Variants in NLGN1 observed in about 807,000 individuals in gnomAD.
The protein encoded by NLGN1 is neuroligin-1.
Under a neutral mutation model 65.5 loss-of-function variants are expected in NLGN1, and 12 were observed. The ratio of observed to expected loss-of-function variants is 0.18; its 90% CI spans 0.12 to 0.30. The LOEUF is 0.30. NLGN1 is among the 10% of genes least tolerant of loss of function. The pLI is 1.00. For missense variants in NLGN1, 750 were observed against 1,007.1 expected, an observed-to-expected ratio of 0.74 and a Z score of 3.46; for synonymous variants, 350 against 359.5, an observed-to-expected ratio of 0.97 and a Z score of 0.30.
intron 4 of NLGN1, among the ~76,000 whole-genome samples, chr3:173,931,470 T>C (rs1744081585): frequency 6.6e-6 from 1 of 152,052 alleles, no homozygotes; most frequent in African/African-American, 2.4e-5. Context: ...AAGACAGGTT[T>C]TGAAGTAAGC....
intron 4 of NLGN1, among the ~76,000 whole-genome samples, chr3:174,081,164 A>G (rs1029949122): frequency 1.3e-5 from 2 of 152,142 alleles, no homozygotes; most frequent in African/African-American, 4.8e-5. Flanking sequence ...TAACTTAGAC[A>G]AGAAAAAGTC....
chr3:173,986,831 G>A (rs774928222), intron 4 of NLGN1, among the ~76,000 whole-genome samples: 3 of 152,116 alleles, frequency 2.0e-5, no homozygotes, highest in Non-Finnish European at 4.4e-5. Flanking sequence ...CGACAGAGCA[G>A]GACAGTGAAC....
At chr3:174,108,438 T>G (rs114715206) in intron 4 of NLGN1, among the ~76,000 whole-genome samples, 1 of 152,014 alleles carries the variant, frequency 6.6e-6, no homozygotes, top group Admixed American at 6.6e-5. Flanking sequence ...ATACCAAGCC[T>G]GGACTATATG....
rs1246877142 is a variant in NLGN1 at position 174,280,785 on chromosome 3, A to G, written c.1954A>G (p.Thr652Ala). ...TGTACCTGTCACGTCAGCCTTTCCC[A>G]CTGCCAAGCAGGATGATCCCAAACA... The change falls in exon 7 of 7, where the codon ACT (threonine) becomes GCT (alanine). Residue 652 changes from threonine (T) to alanine (A), a missense_variant. By Grantham distance (58) the Thr-to-Ala change is moderately conservative (BLOSUM62 0). Transcript: ENST00000457714. This position sits in a 1 kb window ranked among gnomAD's most constrained non-coding sequence, Gnocchi z 4.9. 4 of 1,613,326 alleles carry G rather than the reference A, an allele frequency of 2.5e-6. No individual in the cohort carries two copies. Among genetic ancestry groups the G allele is most frequent in the Non-Finnish European group, 3.4e-6 (4 of 1,179,562 alleles).
At chr3:173,584,244 GAAAAA>G in intron 2 of NLGN1, among the ~76,000 whole-genome samples, 1 of 80,714 alleles carries the variant, frequency 1.2e-5, no homozygotes, top group African/African-American at 3.9e-5. Context: ...GGGGCAGAAA[GAAAAA>G]AAAAAAAAAA....
At chr3:173,654,864 A>G (rs1759744022) in intron 3 of NLGN1, among the ~76,000 whole-genome samples, 1 of 152,126 alleles carries the variant, frequency 6.6e-6, no homozygotes, top group African/African-American at 2.4e-5. Context: ...TAATGGATGG[A>G]TGATGTATTT....
chr3:174,028,697 A>G (rs1038745401), intron 4 of NLGN1, among the ~76,000 whole-genome samples: 3 of 152,228 alleles, frequency 2.0e-5, no homozygotes, highest in Non-Finnish European at 4.4e-5. Flanking sequence ...AGAAAAGAAA[A>G]ACCCATTTTC....
chr3:173,565,964 T>C (rs1577304902), intron 2 of NLGN1, among the ~76,000 whole-genome samples: 2 of 152,326 alleles, frequency 1.3e-5, no homozygotes, highest in Middle Eastern at 6.8e-3. Context: ...TAATTGTAAA[T>C]AGAGATTTAA....
Position 174,173,984 on chromosome 3 carries a change from C to T in NLGN1, c.647-101331C>T, listed in dbSNP as rs149004275. Reference sequence around the variant, plus strand: ...TTTTATCCCTCACCTCTTTCCCACTCTTTCACCCTGGGTCCCCAAAGTCCA... The same window carrying T: ...TTTTATCCCTCACCTCTTTCCCACTTTTTCACCCTGGGTCCCCAAAGTCCA... On this transcript the variant is annotated intron_variant, in intron 4 of 6. Coordinates refer to ENST00000457714, the Ensembl canonical transcript of NLGN1. 4.6e-5 allele frequency among the ~76,000 whole-genome samples: 7 copies of T among 152,152 alleles called. No individual in the cohort carries two copies. The East Asian group carries it at 1.4e-3, about 29-fold the overall frequency.
intron 2 of NLGN1, among the ~76,000 whole-genome samples, chr3:173,495,838 C>T (rs1414602607): frequency 6.6e-6 from 1 of 151,662 alleles, no homozygotes; most frequent in African/African-American, 2.4e-5. Context: ...CCAGTCTCTG[C>T]TTCTGTCTCT....
Position 174,280,509 on chromosome 3 carries a change from A to C in NLGN1, c.1678A>C (p.Thr560Pro). The change falls in exon 7 of 7, where the codon ACG becomes CCG. Residue 560 changes from threonine to proline, a missense_variant. By Grantham distance (38) the Thr-to-Pro change is conservative (BLOSUM62 -1). Transcript: ENST00000457714. The surrounding 1 kb of genome is among the most constrained non-coding windows in gnomAD (Gnocchi z 4.9). Reference sequence around the variant, plus strand: ...CCCAAATCAACCAGTCCCTCAAGACACGAAATTCATTCATACCAAACCCAA... The same window carrying C: ...CCCAAATCAACCAGTCCCTCAAGACCCGAAATTCATTCATACCAAACCCAA... The C allele has an allele frequency of 6.2e-7, 1 of 1,611,318 alleles. No individual in the cohort carries two copies. Among genetic ancestry groups the C allele is most frequent in the Non-Finnish European group, 8.5e-7 (1 of 1,178,674 alleles).
chr3:174,282,149 C>G (rs1452191887), exon 7 of NLGN1: 1 of 152,154 alleles, frequency 6.6e-6, no homozygotes, highest in Non-Finnish European at 1.5e-5. Flanking sequence ...GGTGAATACT[C>G]GCTGATATGA....
At chr3:174,169,223 C>T (rs1728084457) in intron 4 of NLGN1, among the ~76,000 whole-genome samples, 1 of 152,052 alleles carries the variant, frequency 6.6e-6, no homozygotes, top group Non-Finnish European at 1.5e-5. Context: ...AGGATCTCTG[C>T]ACAAGAAGAG....
intron 4 of NLGN1, among the ~76,000 whole-genome samples, chr3:174,237,031 C>A (rs558204845): frequency 1.7e-4 from 26 of 152,082 alleles, no homozygotes; most frequent in Middle Eastern, 3.4e-3. Flanking sequence ...GATACATCAA[C>A]AAAATACACA....
chr3:173,536,604 C>CA (rs1179240354), intron 2 of NLGN1, among the ~76,000 whole-genome samples: 1 of 152,274 alleles, frequency 6.6e-6, no homozygotes, highest in South Asian at 2.1e-4. Flanking sequence ...ACTAGCATAG[C>CA]AAAAATGTAA....
At chr3:173,880,608 G>T (rs1195919267) in intron 4 of NLGN1, among the ~76,000 whole-genome samples, 2 of 151,104 alleles carry the variant, frequency 1.3e-5, no homozygotes, top group African/African-American at 4.9e-5. Context: ...ATATTTTATT[G>T]CTAAAAATCA....
chr3:173,953,101 A>G lies in NLGN1; in HGVS notation c.646+145269A>G, dbSNP rs901012254. 2.6e-5 allele frequency among the ~76,000 whole-genome samples: 4 copies of G among 152,164 alleles called. No homozygotes were observed. In the East Asian group the frequency reaches 5.8e-4, roughly 22 times the overall value. On this transcript the variant is annotated intron_variant, in intron 4 of 6. Transcript: ENST00000457714. ...GCCCTAAAATTTACTTTTAACCTCT[A>G]TATCTTTCCATGATTACTCTGCTGT... is the stretch of plus-strand genomic sequence containing the variant.
At chr3:173,461,286 CAT>C (rs1439236257) in intron 2 of NLGN1, among the ~76,000 whole-genome samples, 3 of 152,028 alleles carry the variant, frequency 2.0e-5, no homozygotes, top group East Asian at 1.9e-4. Context: ...TCTAGCCAAA[CAT>C]GTGGTTATCC....
At chr3:174,195,063 G>C (rs919139951) in intron 4 of NLGN1, among the ~76,000 whole-genome samples, 1 of 152,030 alleles carries the variant, frequency 6.6e-6, no homozygotes, top group African/African-American at 2.4e-5. Flanking sequence ...GTTTCTCCAT[G>C]TTGGTCAGGC....
Sources: allele counts gnomAD v4.1 joint callset (sites outside exome capture counted in the v4.1 genomes callset), GRCh38; gene constraint gnomAD v4.1.1; non-coding constraint Gnocchi (gnomAD v3.1); transcripts MANE v1.5; gene names NCBI Gene and HGNC (gene_info 2026-07-23, HGNC 2026-07-21).